Variants in EHD3 observed in about 807,000 individuals in gnomAD.
EHD3 encodes the protein EH domain containing 3.
A neutral mutation model predicts 43.0 loss-of-function variants in EHD3; 17 were observed. The observed-to-expected ratio is 0.40, with a 90% CI of 0.27 to 0.59. The LOEUF is 0.59. EHD3 is among the 20% of genes least tolerant of loss of function. The probability of loss-of-function intolerance (pLI) is 0.49; values close to 1 mark genes in which losing one functional copy is unlikely to be tolerated. For synonymous variants in EHD3, 313 were observed against 289.5 expected (o/e 1.08, Z -0.82); for missense variants, 594 against 705.6 (o/e 0.84, Z 1.79).
In EHD3 at chr2:31,260,697, G is replaced by A. The variant is rs562001448; in HGVS notation, c.690G>A (p.Met230Ile). Residue 230 changes from methionine (M) to isoleucine (I), a missense_variant, in exon 4 of 6, where the codon ATG (methionine) becomes ATA (isoleucine). Physicochemically the swap from Met to Ile is conservative, Grantham distance 10. Transcript: ENST00000322054. The surrounding 1 kb of genome is among the most constrained non-coding windows in gnomAD (Gnocchi z 4.6). ...KADQIETQQL[M>I]RVYGALMWSL... ...ACCAGATCGAGACGCAGCAGCTGAT[G>A]CGGGTGTACGGGGCCCTCATGTGGT... 1 of 1,614,240 alleles carries A rather than the reference G, an allele frequency of 6.2e-7. No homozygotes were observed. Among genetic ancestry groups the A allele is most frequent in the African/African-American group, 1.3e-5 (1 of 75,064 alleles).
intron 3 of EHD3, among the ~76,000 whole-genome samples, chr2:31,250,268 CTTTTT>C (rs34290931): frequency 7.9e-6 from 1 of 126,092 alleles, no homozygotes; most frequent in Non-Finnish European, 1.7e-5. Flanking sequence ...TCGTTGTTTT[CTTTTT>C]TTTTTTTTTT....
rs943486175 is a variant in EHD3 at position 31,234,230 on chromosome 2, G to T, written c.-392G>T. ...GAGCCGCCTCGGTCCGGCAGGAGCG[G>T]AGCCGAAGCATCCCTTGCTGCACGC... On this transcript the variant is annotated 5_prime_UTR_variant, in exon 1 of 6. Coordinates refer to ENST00000322054, the MANE Select transcript of EHD3 (RefSeq NM_014600.3). 2.6e-5 allele frequency: 7 copies of T among 264,276 alleles called. No individual in the cohort carries two copies. The highest frequency in any genetic ancestry group is 5.1e-5 in the Non-Finnish European group (7 of 136,534). The allele number at this position is 264,276 out of a possible 1,614,324, so 16.4% of individuals were successfully genotyped here. A position where few individuals can be genotyped will look rare whatever the true frequency, so the allele number is the denominator to read the frequency against.
intron 2 of EHD3, among the ~76,000 whole-genome samples, chr2:31,247,460 T>G (rs926299623): frequency 3.3e-5 from 5 of 152,182 alleles, no homozygotes; most frequent in African/African-American, 1.2e-4. Context: ...TCTAAATCTG[T>G]GATTTCAATG....
At chr2:31,256,170 C>T (rs1226841734) in intron 3 of EHD3, among the ~76,000 whole-genome samples, 1 of 152,204 alleles carries the variant, frequency 6.6e-6, no homozygotes, top group African/African-American at 2.4e-5. Flanking sequence ...TCACCCAGGC[C>T]AGTGCTCCTC....
chr2:31,261,495 A>C, intron 4 of EHD3, 54 bp from the exon 5 acceptor site: 14 of 1,595,188 alleles, frequency 8.8e-6, no homozygotes, highest in Non-Finnish European at 1.2e-5. Context: ...TCCTAGAAGG[A>C]AGGGACCGTC....
chr2:31,234,914 T>C (rs1434098314), intron 1 of EHD3, 66 bp downstream of exon 1: 1 of 1,475,706 alleles, frequency 6.8e-7, no homozygotes, highest in Non-Finnish European at 9.4e-7. Flanking sequence ...CGGTCACTCC[T>C]GGTGCTCCAT....
chr2:31,234,810 G>C lies in EHD3; in HGVS notation c.189G>C (p.Leu63=). The part of the protein sequence containing the change: ...ADFDNKPMVL[L]VGQYSTGKTT... ...TCGACAACAAGCCCATGGTTCTGCT[G>C]GTGGGCCAGTACTCCACTGGGAAGA... The change falls in exon 1 of 6, where the codon CTG becomes CTC. Residue 63 remains leucine, a synonymous_variant. Coordinates refer to ENST00000322054, the MANE Select transcript of EHD3 (RefSeq NM_014600.3). 2 of 1,614,156 alleles carry C rather than the reference G, an allele frequency of 1.2e-6. No individual in the cohort carries two copies. The highest frequency in any genetic ancestry group is 1.7e-6 in the Non-Finnish European group (2 of 1,180,028).
At position 31,250,031 on chromosome 2, in the gene EHD3, C is replaced by T. The variant is rs1014854185; in HGVS notation, c.502+563C>T. On this transcript the variant is annotated intron_variant, in intron 3 of 5. Transcript: ENST00000322054. ...TCAGGCTGGCAGGGTTCTAAGCCTG[C>T]CTCTGCCACTTCATAGCACAGTGAC... Among the ~76,000 whole-genome samples the T allele has an allele frequency of 4.0e-5, 6 of 150,156 alleles. No individual in the cohort carries two copies. The South Asian group carries it at 1.3e-3, about 32-fold the overall frequency.
Position 31,266,316 on chromosome 2 carries a change from A to G in EHD3, c.1220A>G (p.Gln407Arg). 3 of 1,614,210 alleles carry G rather than the reference A, an allele frequency of 1.9e-6. No individual in the cohort carries two copies. The South Asian group carries it at 3.3e-5, about 18-fold the overall frequency. ...VRQEESQRPIQMVKGGAFEGT... is the reference protein window; with the variant it reads ...VRQEESQRPIRMVKGGAFEGT... ...CAGGAGGAGTCACAGCGGCCCATCC[A>G]GATGGTGAAGGGCGGAGCGTTCGAG... The change falls in exon 6 of 6, where the codon CAG becomes CGG. Residue 407 changes from glutamine to arginine, a missense_variant. Coordinates refer to ENST00000322054, the MANE Select transcript of EHD3 (RefSeq NM_014600.3). The surrounding 1 kb of genome is among the most constrained non-coding windows in gnomAD (Gnocchi z 5.1).
intron 2 of EHD3, 114 bp downstream of exon 2, chr2:31,244,564 C>A: frequency 1.8e-6 from 2 of 1,138,088 alleles, no homozygotes; most frequent in African/African-American, 1.5e-5. Context: ...AGTCTCCTGT[C>A]AATCTTTCCA....
rs963534666 is a variant in EHD3, at chr2:31,268,271, A to T, written c.*1567A>T. The T allele has an allele frequency of 3.9e-4, 59 of 152,796 alleles. No homozygotes were observed. Among genetic ancestry groups the T allele is most frequent in the African/African-American group, 1.4e-3 (58 of 41,582 alleles). 9.5% of individuals were successfully genotyped at this position (152,796 alleles called of 1,614,324 possible). ...TACTGTGATGGAAAACAAAATGAGT[A>T]TAACTTATTTTATATCCATATTCAG... On this transcript the variant is annotated 3_prime_UTR_variant, in exon 6 of 6. Transcript: ENST00000322054.
In EHD3 at chr2:31,261,626, G is replaced by A; in HGVS notation, c.993G>A (p.Leu331=). 2 of 1,614,212 alleles carry A rather than the reference G, an allele frequency of 1.2e-6. No homozygotes were observed. The highest frequency in any genetic ancestry group is 8.5e-7 in the Non-Finnish European group (1 of 1,180,034). Residue 331 remains leucine (L), a synonymous_variant, in exon 5 of 6, where the codon CTG becomes CTA. Coordinates refer to ENST00000322054, the MANE Select transcript of EHD3 (RefSeq NM_014600.3). ...GGAAGGACAACAAGAAGAAGGAGCT[G>A]GTCAACAACCTGGCCGAGATCTATG... ...VFGKDNKKKE[L]VNNLAEIYGR...
chr2:31,250,247 C>G (rs922010208), intron 3 of EHD3, among the ~76,000 whole-genome samples: 7 of 149,784 alleles, frequency 4.7e-5, no homozygotes, highest in South Asian at 2.2e-4. Flanking sequence ...TATAGATGAT[C>G]ATCATCATCA....
chr2:31,259,963 G>T (rs565607013), intron 3 of EHD3, among the ~76,000 whole-genome samples: 9 of 152,334 alleles, frequency 5.9e-5, no homozygotes, highest in Non-Finnish European at 8.8e-5. Flanking sequence ...CACTTTGGGA[G>T]GCCAAGGCAG....
chr2:31,234,458 C>A lies in EHD3; in HGVS notation c.-164C>A. On this transcript the variant is annotated 5_prime_UTR_variant, in exon 1 of 6. Transcript: ENST00000322054. ...GTCCCAGGAGCAGGGAGAGTGCGCT[C>A]CCGGCCCTCCTAGCCGCGTGCCCGG... The A allele has an allele frequency of 1.4e-6, 1 of 722,912 alleles. No individual in the cohort carries two copies. Among genetic ancestry groups the A allele is most frequent in the Non-Finnish European group, 2.2e-6 (1 of 448,082 alleles). The allele number at this position is 722,912 out of a possible 1,614,324, so 44.8% of individuals were successfully genotyped here. A position where few individuals can be genotyped will look rare whatever the true frequency, so the allele number is the denominator to read the frequency against.
At position 31,266,805 on chromosome 2, in the gene EHD3, C is replaced by G. The variant is rs1157645792; in HGVS notation, c.*101C>G. The G allele has an allele frequency of 7.6e-7, 1 of 1,323,126 alleles. No individual in the cohort carries two copies. Among genetic ancestry groups the G allele is most frequent in the African/African-American group, 1.5e-5 (1 of 68,380 alleles). 82.0% of individuals were successfully genotyped at this position (1,323,126 alleles called of 1,614,324 possible). ...ACACACACACACACAAACATGCACA[C>G]ACACATATGCATATCTTGACATTGC... On this transcript the variant is annotated 3_prime_UTR_variant, in exon 6 of 6. Coordinates refer to ENST00000322054, the MANE Select transcript of EHD3 (RefSeq NM_014600.3). The surrounding 1 kb of genome is among the most constrained non-coding windows in gnomAD (Gnocchi z 5.1).
chr2:31,253,244 TCCCA>T (rs1256008887), intron 3 of EHD3, among the ~76,000 whole-genome samples: 2 of 69,956 alleles, frequency 2.9e-5, no homozygotes, highest in Non-Finnish European at 4.9e-5. Flanking sequence ...AGCAACCCCC[TCCCA>T]CACACACACA....
At chr2:31,249,345 C>T in intron 2 of EHD3, 26 bp from the exon 3 acceptor site, 1 of 1,609,282 alleles carries the variant, frequency 6.2e-7, no homozygotes, top group Non-Finnish European at 8.5e-7. Context: ...GGCGAGTACT[C>T]ACCCAGGTTA....
At chr2:31,239,449 C>T (rs79887799) in intron 1 of EHD3, among the ~76,000 whole-genome samples, 11,294 of 152,244 alleles carry the variant, frequency 0.074, 819 homozygotes, top group African/African-American at 0.19. Flanking sequence ...ACTGTGTCCG[C>T]GTGCCTCGGC....
Sources: allele counts gnomAD v4.1 joint callset (sites outside exome capture counted in the v4.1 genomes callset), GRCh38; gene constraint gnomAD v4.1.1; non-coding constraint Gnocchi (gnomAD v3.1); transcripts MANE v1.5; gene names NCBI Gene and HGNC (gene_info 2026-07-23, HGNC 2026-07-21).